Variants in DCLK1 observed in about 807,000 individuals in gnomAD.
DCLK1 encodes doublecortin like kinase 1, also known as serine/threonine-protein kinase DCLK1.
Under a neutral mutation model 86.2 loss-of-function variants are expected in DCLK1, and 16 were observed. The ratio of observed to expected loss-of-function variants is 0.19; its 90% CI spans 0.13 to 0.28. The LOEUF is 0.28. Among genes scored for constraint, DCLK1 ranks in the 10% least tolerant of loss-of-function variants. The pLI is 1.00. For synonymous variants in DCLK1, 369 were observed against 370.5 expected (o/e 1.00, Z 0.05); for missense variants, 590 against 940.2 (o/e 0.63, Z 4.87).
intron 3 of DCLK1, among the ~76,000 whole-genome samples, chr13:36,002,849 G>A (rs935059759): frequency 1.3e-5 from 2 of 152,300 alleles, no homozygotes; most frequent in East Asian, 1.9e-4. Context: ...CCGAAGGAGC[G>A]ACAGTTCTTA....
chr13:35,780,877 G>GT (rs1308938642), intron 16 of DCLK1, among the ~76,000 whole-genome samples: 1 of 152,292 alleles, frequency 6.6e-6, no homozygotes, highest in South Asian at 2.1e-4. Context: ...GGTGCCTGCC[G>GT]TAACACCAGG....
chr13:36,008,468 G>A (rs200286363), intron 3 of DCLK1, among the ~76,000 whole-genome samples: 4,877 of 113,070 alleles, frequency 0.043, 178 homozygotes, highest in East Asian at 0.2. Context: ...GTGAGAATAT[G>A]CGGTGTTTGG....
Position 35,816,157 on chromosome 13 carries a change from T to C in DCLK1, c.1555-5189A>G, listed in dbSNP as rs575721121. ...AGGATTTTGCCAAAACTGTGGGAAC[T>C]CAATGCCACTGCAATTTTAAAAAAC... On this transcript the variant is annotated intron_variant, in intron 11 of 16. Coordinates refer to ENST00000360631, the MANE Select transcript of DCLK1 (RefSeq NM_001330071.2). Among the ~76,000 whole-genome samples, 12 of 152,314 alleles carry C rather than the reference T, an allele frequency of 7.9e-5. No homozygotes were observed. The East Asian group carries it at 1.5e-3, about 20-fold the overall frequency.
intron 3 of DCLK1, among the ~76,000 whole-genome samples, chr13:35,970,746 T>C (rs990896763): frequency 6.6e-6 from 1 of 152,200 alleles, no homozygotes; most frequent in African/African-American, 2.4e-5. Flanking sequence ...AAATTTCTAT[T>C]CTTTATAAAT....
chr13:35,786,023 C>T (rs1490900594), intron 16 of DCLK1, among the ~76,000 whole-genome samples: 2 of 152,156 alleles, frequency 1.3e-5, no homozygotes, highest in African/African-American at 4.8e-5. Flanking sequence ...GTTGTTACTG[C>T]CCCAGCTGGA....
At chr13:36,005,249 T>C (rs992127438) in intron 3 of DCLK1, among the ~76,000 whole-genome samples, 48 of 151,964 alleles carry the variant, frequency 3.2e-4, no homozygotes, top group African/African-American at 1.1e-3. Flanking sequence ...CTTGTAAGAG[T>C]GAGTATTTGG....
chr13:35,941,838 T>C (rs1402960815), intron 4 of DCLK1, among the ~76,000 whole-genome samples: 3 of 152,124 alleles, frequency 2.0e-5, no homozygotes, highest in Non-Finnish European at 2.9e-5. Context: ...TTTTCCAGTA[T>C]AAAAATATGA....
At chr13:36,061,941 C>G (rs1299842799) in intron 3 of DCLK1, among the ~76,000 whole-genome samples, 1 of 152,086 alleles carries the variant, frequency 6.6e-6, no homozygotes, top group Non-Finnish European at 1.5e-5. Context: ...GTTGGAAACC[C>G]CAAAGTCCCA....
chr13:36,022,881 C>CT (rs1204649879), intron 3 of DCLK1, among the ~76,000 whole-genome samples: 1 of 152,120 alleles, frequency 6.6e-6, no homozygotes, highest in Non-Finnish European at 1.5e-5. Context: ...GGAAATAAAA[C>CT]TTTCCAATTC....
At chr13:35,929,343 G>A (rs1446979853) in intron 4 of DCLK1, among the ~76,000 whole-genome samples, 2 of 152,098 alleles carry the variant, frequency 1.3e-5, no homozygotes, top group African/African-American at 2.4e-5. Context: ...TAAAGTTGAG[G>A]GGCAAATCTA....
chr13:36,085,758 A>G (rs1177995695), intron 3 of DCLK1, among the ~76,000 whole-genome samples: 1 of 152,270 alleles, frequency 6.6e-6, no homozygotes, highest in Middle Eastern at 3.4e-3. Context: ...CTGGGAGGGA[A>G]GGCTGGAGAG....
chr13:36,070,419 A>T (rs1166451257), intron 3 of DCLK1, among the ~76,000 whole-genome samples: 1 of 152,154 alleles, frequency 6.6e-6, no homozygotes, highest in Non-Finnish European at 1.5e-5. Context: ...GACCAAGAGG[A>T]CTCAAAAGTG....
intron 6 of DCLK1, chr13:35,850,337 C>G: frequency 4.0e-6 from 4 of 989,612 alleles, no homozygotes; most frequent in Non-Finnish European, 3.6e-6. Context: ...AATTATATCT[C>G]TATGTCTACT....
At chr13:36,122,139 T>C (rs1593910594) in intron 2 of DCLK1, among the ~76,000 whole-genome samples, 1 of 152,132 alleles carries the variant, frequency 6.6e-6, no homozygotes. Context: ...TATTAGGGAA[T>C]AGGAAAAGAT....
chr13:35,784,928 G>A (rs953657258), intron 16 of DCLK1, among the ~76,000 whole-genome samples: 7 of 152,128 alleles, frequency 4.6e-5, no homozygotes, highest in South Asian at 2.1e-4. Flanking sequence ...AAACCTGCAC[G>A]GAGCAAGATG....
At chr13:35,838,314 A>G (rs1291354140) in intron 7 of DCLK1, among the ~76,000 whole-genome samples, 1 of 146,340 alleles carries the variant, frequency 6.8e-6, no homozygotes, top group Non-Finnish European at 1.5e-5. Context: ...CTTTTTTCGG[A>G]AAAAAAATTA....
intron 1 of DCLK1, among the ~76,000 whole-genome samples, chr13:36,127,950 A>G (rs1283283086): frequency 6.6e-6 from 1 of 152,198 alleles, no homozygotes; most frequent in East Asian, 1.9e-4. Context: ...GTTGAAATAG[A>G]ATATCAGGAA....
chr13:35,808,269 C>G lies in DCLK1; in HGVS notation c.1818G>C (p.Val606=). ...VLFDQILMGQ[V]DFPSPYWDNV... ...TATCCCAGTATGGAGAAGGAAAGTC[C>G]ACCTGCCCCATCAAAATCTGATCAA... Residue 606 remains valine, a synonymous_variant, in exon 14 of 17, where the codon GTG becomes GTC. Coordinates refer to ENST00000360631, the MANE Select transcript of DCLK1 (RefSeq NM_001330071.2). 1 of 1,614,022 alleles carries G rather than the reference C, an allele frequency of 6.2e-7. No individual in the cohort carries two copies. The highest frequency in any genetic ancestry group is 8.5e-7 in the Non-Finnish European group (1 of 1,179,978).
At chr13:35,966,831 A>C (rs1038146056) in intron 3 of DCLK1, among the ~76,000 whole-genome samples, 4 of 152,054 alleles carry the variant, frequency 2.6e-5, no homozygotes, top group Admixed American at 2.6e-4. Context: ...GCTGGAGTGC[A>C]GTGGCGTGAT....
Sources: allele counts gnomAD v4.1 joint callset (sites outside exome capture counted in the v4.1 genomes callset), GRCh38; gene constraint gnomAD v4.1.1; transcripts MANE v1.5; gene names NCBI Gene and HGNC (gene_info 2026-07-23, HGNC 2026-07-21).